The following GLMN variants were observed in gnomAD, a reference collection of about 807,000 sequenced individuals.
The protein encoded by GLMN is glomulin, FKBP associated protein, also known as glomulin.
GLMN carries 75 observed loss-of-function variants against 87.8 expected under a neutral mutation model. The ratio of observed to expected loss-of-function variants is 0.85; its 90% CI spans 0.71 to 1.04. The LOEUF is 1.04. Among genes scored for constraint, GLMN ranks in the 50% least tolerant of loss-of-function variants. The pLI, the probability that GLMN is intolerant of heterozygous loss-of-function variation, is 0.00. For synonymous variants in GLMN, 206 were observed against 221.6 expected (o/e 0.93, Z 0.63); for missense variants, 588 against 658.8 (o/e 0.89, Z 1.18).
chr1:92,350,944 A>G, the GLMN span, among the ~76,000 whole-genome samples: 1 of 151,992 alleles, frequency 6.6e-6, no homozygotes, highest in African/African-American at 2.4e-5. Context: ...AATAAAAGAT[A>G]GTCTTCTATA....
At chr1:92,357,877 A>G in the GLMN span, among the ~76,000 whole-genome samples, 12 of 152,190 alleles carry the variant, frequency 7.9e-5, no homozygotes, top group African/African-American at 2.9e-4. Flanking sequence ...TTCAGTGGGT[A>G]ATGAAAGTCA....
At position 92,297,453 on chromosome 1, in the gene GLMN, T is replaced by C. The variant is rs200694617; in HGVS notation, c.116A>G (p.Glu39Gly). The change falls in exon 3 of 19, where the codon GAA (glutamate) becomes GGA (glycine). Residue 39 changes from glutamate (E) to glycine (G), a missense_variant. By Grantham distance (98) the Glu-to-Gly change is moderately conservative (BLOSUM62 -2). Coordinates refer to ENST00000370360, the MANE Select transcript of GLMN (RefSeq NM_053274.3). ...FQLAGQRCIE[E>G]GHTDQLLEII... ...TTCTAATAGCTGGTCTGTGTGCCCTTCTTCTATGCATCTTTGCCCAGCTAA... is the reference window on the plus strand; with the variant it reads ...TTCTAATAGCTGGTCTGTGTGCCCTCCTTCTATGCATCTTTGCCCAGCTAA... 1.2e-6 allele frequency: 2 copies of C among 1,611,266 alleles called. No individual in the cohort carries two copies. Among genetic ancestry groups the C allele is most frequent in the East Asian group, 4.5e-5 (2 of 44,828 alleles).
intron 16 of GLMN, among the ~76,000 whole-genome samples, chr1:92,249,716 A>C (rs1478616431): frequency 2.0e-5 from 3 of 152,132 alleles, no homozygotes; most frequent in African/African-American, 7.2e-5. Flanking sequence ...CTATCAAGCA[A>C]TACAGCTTGT....
chr1:92,310,375 C>T, the GLMN span, among the ~76,000 whole-genome samples: 1 of 152,096 alleles, frequency 6.6e-6, no homozygotes, highest in African/African-American at 2.4e-5. Context: ...CTAGCTATTG[C>T]ACATTTAAGC....
chr1:92,258,609 C>T (rs558725076), intron 16 of GLMN, among the ~76,000 whole-genome samples: 6 of 152,120 alleles, frequency 3.9e-5, no homozygotes, highest in South Asian at 2.1e-4. Context: ...TGCAGGGACA[C>T]GGATGAAGCT....
At chr1:92,370,155 G>T in the GLMN span, among the ~76,000 whole-genome samples, 1 of 152,336 alleles carries the variant, frequency 6.6e-6, no homozygotes, top group East Asian at 1.9e-4. Flanking sequence ...AAAGTGCTGG[G>T]ATTACAGGCA....
At chr1:92,276,380 GCTGGGAACAGTGGCTCTCGC>G (rs1163518566) in intron 7 of GLMN, among the ~76,000 whole-genome samples, 1 of 152,000 alleles carries the variant, frequency 6.6e-6, no homozygotes, top group Non-Finnish European at 1.5e-5. Flanking sequence ...TAGGAGTTAG[GCTGGGAACAGTGGCTCTCGC>G]CTGTAATCCC....
At chr1:92,370,487 A>G in the GLMN span, among the ~76,000 whole-genome samples, 1 of 152,348 alleles carries the variant, frequency 6.6e-6, no homozygotes, top group South Asian at 2.1e-4. Context: ...CAAAAGTTCC[A>G]TGAAGAAGAA....
rs1469858850 is a variant in GLMN at position 92,298,974 on chromosome 1, T to G, written c.-80A>C. On this transcript the variant is annotated 5_prime_UTR_variant, in exon 1 of 19. Transcript: ENST00000370360. Reference sequence around the variant, plus strand: ...GCCGCCGCCACCTCCTCCGGCGTCTTAGCCCGCTCTTCTGGCCCCGCCCCG... The same window carrying G: ...GCCGCCGCCACCTCCTCCGGCGTCTGAGCCCGCTCTTCTGGCCCCGCCCCG... 1 of 547,194 alleles carries G rather than the reference T, an allele frequency of 1.8e-6. No individual in the cohort carries two copies. Among genetic ancestry groups the G allele is most frequent in the Non-Finnish European group, 3.2e-6 (1 of 315,310 alleles). The allele number at this position is 547,194 out of a possible 1,614,324, so 33.9% of individuals were successfully genotyped here.
intron 7 of GLMN, among the ~76,000 whole-genome samples, chr1:92,276,936 C>T (rs997181887): frequency 2.6e-5 from 4 of 152,090 alleles, no homozygotes; most frequent in African/African-American, 9.7e-5. Flanking sequence ...TAAATTTTTA[C>T]AATACATTTG....
chr1:92,300,296 T>C, upstream of GLMN: 2 of 1,303,726 alleles, frequency 1.5e-6, no homozygotes, highest in Non-Finnish European at 2.2e-6. Context: ...GTATTACTTG[T>C]ACCAATTTTA....
At chr1:92,366,622 C>G in the GLMN span, among the ~76,000 whole-genome samples, 131,410 of 152,200 alleles carry the variant, frequency 0.86, 57,155 homozygotes, top group East Asian at 1. Flanking sequence ...TCCTCAATAA[C>G]AAACAAGCAA....
At chr1:92,367,584 C>G in the GLMN span, among the ~76,000 whole-genome samples, 1 of 152,154 alleles carries the variant, frequency 6.6e-6, no homozygotes, top group Non-Finnish European at 1.5e-5. Context: ...GTCTTTACAT[C>G]TTCATCACCT....
chr1:92,307,132 T>A, the GLMN span: 1 of 1,159,504 alleles, frequency 8.6e-7, no homozygotes, highest in African/African-American at 1.5e-5. Context: ...CTCTCAACTG[T>A]ATGTAGGTAA....
intron 3 of GLMN, 25 bp from the exon 4 acceptor site, chr1:92,291,562 G>A (rs1230666129): frequency 6.2e-7 from 1 of 1,610,982 alleles, no homozygotes; most frequent in African/African-American, 1.3e-5. Context: ...TCAGAGTAAA[G>A]CAAACACTGC....
intron 11 of GLMN, among the ~76,000 whole-genome samples, chr1:92,267,609 C>T (rs1655787072): frequency 1.3e-5 from 2 of 151,318 alleles, no homozygotes; most frequent in African/African-American, 4.9e-5. Context: ...GAGGCTGAGG[C>T]AGGAGAATGG....
chr1:92,261,313 TAAA>T (rs1302241478), intron 16 of GLMN, among the ~76,000 whole-genome samples: 2 of 152,140 alleles, frequency 1.3e-5, no homozygotes, highest in East Asian at 3.9e-4. Flanking sequence ...AAGTGAAAAA[TAAA>T]GAGTACTTTT....
intron 9 of GLMN, among the ~76,000 whole-genome samples, chr1:92,269,032 C>T (rs928407791): frequency 3.1e-4 from 47 of 151,898 alleles, no homozygotes; most frequent in Middle Eastern, 3.4e-3. Flanking sequence ...GATTCTTTCA[C>T]CTCAACCTCC....
chr1:92,253,440 A>G (rs781572963), intron 16 of GLMN, among the ~76,000 whole-genome samples: 1 of 152,180 alleles, frequency 6.6e-6, no homozygotes, highest in Non-Finnish European at 1.5e-5. Flanking sequence ...TGCTTCCTCA[A>G]ATGGGTCCCT....
Sources: allele counts gnomAD v4.1 joint callset (sites outside exome capture counted in the v4.1 genomes callset), GRCh38; gene constraint gnomAD v4.1.1; transcripts MANE v1.5; gene names NCBI Gene and HGNC (gene_info 2026-07-23, HGNC 2026-07-21).